DACH1: variants seen among roughly 807,000 people sequenced by gnomAD.
The protein encoded by DACH1 is dachshund homolog 1.
Under a neutral mutation model 54.2 loss-of-function variants are expected in DACH1, and 12 were observed. The ratio of observed to expected loss-of-function variants is 0.22; its 90% CI spans 0.14 to 0.36. The LOEUF is 0.36. Among genes scored for constraint, DACH1 ranks in the 10% least tolerant of loss-of-function variants. DACH1 has a pLI of 1.00. For missense variants in DACH1, 805 were observed against 929.8 expected (o/e 0.87, Z 1.75); for synonymous variants, 386 against 366.2 (o/e 1.05, Z -0.62).
chr13:71,660,206 A>C (rs1265507944), intron 2 of DACH1, among the ~76,000 whole-genome samples: 1 of 152,128 alleles, frequency 6.6e-6, no homozygotes, highest in East Asian at 1.9e-4. Flanking sequence ...TGCCCTGAGC[A>C]CAAAATGAGC....
At chr13:71,844,657 T>C (rs540839813) in intron 1 of DACH1, among the ~76,000 whole-genome samples, 5 of 152,280 alleles carry the variant, frequency 3.3e-5, no homozygotes, top group African/African-American at 1.2e-4. Flanking sequence ...AATTTAGCTA[T>C]ACCACCGTTA....
intron 7 of DACH1, among the ~76,000 whole-genome samples, chr13:71,486,797 A>AATTAATTT (rs1420209396): frequency 1.4e-3 from 37 of 25,884 alleles, no homozygotes; most frequent in African/African-American, 1.9e-3. Context: ...TAAATTAATT[A>AATTAATTT]ATTTATTTAT....
intron 1 of DACH1, among the ~76,000 whole-genome samples, chr13:71,817,678 T>G (rs1328042457): frequency 1.3e-5 from 2 of 152,220 alleles, no homozygotes; most frequent in African/African-American, 4.8e-5. Context: ...TATTTGTTTA[T>G]ATTGACTACA....
chr13:71,766,588 A>G (rs533128969), intron 1 of DACH1, among the ~76,000 whole-genome samples: 74 of 152,284 alleles, frequency 4.9e-4, no homozygotes, highest in African/African-American at 1.7e-3. Flanking sequence ...GCTCCCTTCA[A>G]TTTACAATTG....
At chr13:71,467,595 C>G (rs944289025) in intron 10 of DACH1, among the ~76,000 whole-genome samples, 6 of 151,596 alleles carry the variant, frequency 4.0e-5, no homozygotes, top group African/African-American at 1.5e-4. Context: ...ATGGGTATCG[C>G]TAAAACTTTC....
chr13:71,591,023 C>T (rs540985848), intron 3 of DACH1, among the ~76,000 whole-genome samples: 1 of 151,746 alleles, frequency 6.6e-6, no homozygotes, highest in Non-Finnish European at 1.5e-5. Context: ...GGATTACAGC[C>T]ATGCACCACT....
intron 1 of DACH1, among the ~76,000 whole-genome samples, chr13:71,709,602 A>T (rs926279508): frequency 6.6e-6 from 1 of 152,198 alleles, no homozygotes. Context: ...TAAGGGTGTG[A>T]AAAGGCCAGA....
intron 2 of DACH1, among the ~76,000 whole-genome samples, chr13:71,648,286 T>C (rs949873571): frequency 1.3e-5 from 2 of 152,094 alleles, no homozygotes; most frequent in African/African-American, 4.8e-5. Flanking sequence ...GTGGTAACAT[T>C]TTCTCAATGC....
chr13:71,562,763 CTAATTA>C (rs1351784277), intron 4 of DACH1, among the ~76,000 whole-genome samples: 1 of 152,076 alleles, frequency 6.6e-6, no homozygotes, highest in African/African-American at 2.4e-5. Flanking sequence ...TTCCTGTCTT[CTAATTA>C]TAATTACCCT....
intron 1 of DACH1, among the ~76,000 whole-genome samples, chr13:71,825,207 T>C (rs1420885618): frequency 6.6e-6 from 1 of 152,152 alleles, no homozygotes; most frequent in Non-Finnish European, 1.5e-5. Context: ...CCTCATATTT[T>C]ACTTAAGAAT....
intron 3 of DACH1, among the ~76,000 whole-genome samples, chr13:71,597,550 C>A (rs1874182552): frequency 1.3e-5 from 2 of 152,128 alleles, no homozygotes; most frequent in Non-Finnish European, 2.9e-5. Context: ...TCTCTACCTC[C>A]CTCAGTGTGA....
chr13:71,840,058 T>G (rs1327399676), intron 1 of DACH1, among the ~76,000 whole-genome samples: 1 of 152,134 alleles, frequency 6.6e-6, no homozygotes, highest in Non-Finnish European at 1.5e-5. Context: ...GCAATTCTCA[T>G]GCTTTGGCCT....
Position 71,652,564 on chromosome 13 carries a change from C to T in DACH1, c.965-21847G>A, listed in dbSNP as rs955467710. 3.3e-5 allele frequency among the ~76,000 whole-genome samples: 5 copies of T among 152,092 alleles called. No individual in the cohort carries two copies. In the East Asian group the frequency reaches 5.8e-4, roughly 18 times the overall value. ...CTTCACTGTTCTCTTTGCCAAGAAT[C>T]GTTCCCCTCCCTGCTATGCATAGTT... On this transcript the variant is annotated intron_variant, in intron 2 of 10. Transcript: ENST00000613252.
At chr13:71,708,849 G>GTT (rs71415702) in intron 1 of DACH1, among the ~76,000 whole-genome samples, 1 of 81,734 alleles carries the variant, frequency 1.2e-5, no homozygotes. Context: ...CAAGTTTTTT[G>GTT]TTGTTTTTTT....
chr13:71,458,283 T>C (rs988888422), intron 10 of DACH1, among the ~76,000 whole-genome samples: 1 of 151,902 alleles, frequency 6.6e-6, no homozygotes, highest in African/African-American at 2.4e-5. Flanking sequence ...ATCATATTTA[T>C]TTATTTCCTG....
At chr13:71,791,398 A>G (rs1307222777) in intron 1 of DACH1, among the ~76,000 whole-genome samples, 1 of 152,032 alleles carries the variant, frequency 6.6e-6, no homozygotes, top group Non-Finnish European at 1.5e-5. Flanking sequence ...TTTTGAGATG[A>G]AGTCTCACTC....
At chr13:71,505,056 T>C (rs1880202218) in intron 6 of DACH1, among the ~76,000 whole-genome samples, 1 of 152,132 alleles carries the variant, frequency 6.6e-6, no homozygotes, top group Non-Finnish European at 1.5e-5. Flanking sequence ...ACACATATAT[T>C]TGTTAATTAG....
chr13:71,865,810 G>T (rs1593666681), intron 1 of DACH1, 112 bp downstream of exon 1: 2 of 1,311,206 alleles, frequency 1.5e-6, no homozygotes, highest in Admixed American at 4.2e-5. Context: ...CGCTCGCCGG[G>T]GCGCGCGGCT....
At chr13:71,690,934 AT>A (rs1881447305) in intron 1 of DACH1, among the ~76,000 whole-genome samples, 1 of 152,102 alleles carries the variant, frequency 6.6e-6, no homozygotes, top group Non-Finnish European at 1.5e-5. Context: ...CCCAAGTAGT[AT>A]CTAAACCAAT....
Sources: gnomAD v4.1 joint callset for allele counts (sites outside exome capture counted in the v4.1 genomes callset) on GRCh38, gnomAD v4.1.1 for gene constraint, MANE v1.5 for transcripts, NCBI Gene and HGNC (gene_info 2026-07-23, HGNC 2026-07-21) for gene names.